The following IL2RB variants were observed in gnomAD, a reference collection of about 807,000 sequenced individuals.
IL2RB encodes interleukin 2 receptor subunit beta.
IL2RB carries 17 observed loss-of-function variants against 44.2 expected under a neutral mutation model. The observed-to-expected ratio is 0.38, with a 90% CI of 0.26 to 0.58. The LOEUF (loss-of-function observed/expected upper bound fraction) is 0.58. Ranked by LOEUF, IL2RB falls within the 20% of genes least tolerant of loss-of-function variation. IL2RB has a pLI of 0.63. For missense variants in IL2RB, 624 were observed against 685.5 expected (o/e 0.91, Z 1.00); for synonymous variants, 286 against 297.9 (o/e 0.96, Z 0.41).
intron 1 of IL2RB, among the ~76,000 whole-genome samples, chr22:37,165,432 C>A (rs1174890405): frequency 6.6e-6 from 1 of 152,168 alleles, no homozygotes; most frequent in African/African-American, 2.4e-5. Flanking sequence ...GAACACCTGC[C>A]AGTCAGCATG....
At position 37,170,684 on chromosome 22, in the gene IL2RB, A is replaced by G. The variant is rs1054910296; in HGVS notation, c.-34+4274T>C. 2.6e-5 allele frequency among the ~76,000 whole-genome samples: 4 copies of G among 152,170 alleles called. No individual in the cohort carries two copies. The East Asian group carries it at 7.7e-4, about 29-fold the overall frequency. ...ACGCAGTCACTGCTTGACGTGGCTC[A>G]TGGCCTCCCAGCCTCACTGCACGGG... On this transcript the variant is annotated intron_variant, in intron 1 of 5. Transcript: ENST00000429622.
chr22:37,143,573 C>T lies in IL2RB; in HGVS notation c.151G>A (p.Asp51Asn), dbSNP rs1922070245. 2.5e-6 allele frequency: 4 copies of T among 1,614,032 alleles called. No individual in the cohort carries two copies. The African/African-American group carries it at 4.0e-5, about 16-fold the overall frequency. Residue 51 changes from aspartate (D) to asparagine (N), a missense_variant, in exon 3 of 10, where the codon GAT (aspartate) becomes AAT (asparagine). Physicochemically the swap from Asp to Asn is conservative, Grantham distance 23. Transcript: ENST00000216223. ...CAGGAAGTGTCCTGCAGAGCCCCAT[C>T]TTGGCTCCAGACACAGGAGATGTTG... ...RANISCVWSQ[D>N]GALQDTSCQV...
rs749653661 is a variant in IL2RB, at chr22:37,128,402, G to A, written c.1350C>T (p.Ala450=). The change falls in exon 10 of 10, where the codon GCC becomes GCT. Residue 450 remains alanine (A), a synonymous_variant. Transcript: ENST00000216223. The surrounding 1 kb of genome is among the most constrained non-coding windows in gnomAD (Gnocchi z 4.5). ...PPSTAPGGSG[A]GEERMPPSLQ... Reference sequence around the variant, plus strand: ...AAGAAGGGGGCATCCTCTCTTCACCGGCCCCACTGCCCCCAGGGGCAGTGC... The same window carrying A: ...AAGAAGGGGGCATCCTCTCTTCACCAGCCCCACTGCCCCCAGGGGCAGTGC... 1.9e-5 allele frequency: 29 copies of A among 1,511,942 alleles called. No individual in the cohort carries two copies. The highest frequency in any genetic ancestry group is 4.2e-5 in the African/African-American group (3 of 71,468). The allele number at this position is 1,511,942 out of a possible 1,614,324, so 93.7% of individuals were successfully genotyped here.
chr22:37,132,100 A>G (rs1032571955), intron 9 of IL2RB, among the ~76,000 whole-genome samples: 8 of 152,176 alleles, frequency 5.3e-5, no homozygotes, highest in Middle Eastern at 3.4e-3. Flanking sequence ...ACATAGTAAC[A>G]CTGTTTTTCT....
chr22:37,132,521 T>G, intron 8 of IL2RB, 53 bp from the exon 9 acceptor site: 1 of 1,372,894 alleles, frequency 7.3e-7, no homozygotes, highest in Non-Finnish European at 1.0e-6. Context: ...AGGACCGCGG[T>G]GTTATGCCAT....
Position 37,141,809 on chromosome 22 carries a change from C to T in IL2RB, c.282+625G>A, listed in dbSNP as rs1307747772. Reference sequence around the variant, plus strand: ...CGGGGGTGCAGGGGACAGCTTGGCACTGGCCTGCAGGTGCCCCTTGGCCCG... The same window carrying T: ...CGGGGGTGCAGGGGACAGCTTGGCATTGGCCTGCAGGTGCCCCTTGGCCCG... On this transcript the variant is annotated intron_variant, in intron 4 of 9. Coordinates refer to ENST00000216223, the MANE Select transcript of IL2RB (RefSeq NM_000878.5). The surrounding 1 kb of genome is among the most constrained non-coding windows in gnomAD (Gnocchi z 4.4). Among the ~76,000 whole-genome samples the T allele has an allele frequency of 6.6e-6, 1 of 152,228 alleles. No individual in the cohort carries two copies. Among genetic ancestry groups the T allele is most frequent in the African/African-American group, 2.4e-5 (1 of 41,468 alleles).
intron 6 of IL2RB, 80 bp from the exon 7 acceptor site, chr22:37,136,473 C>CCG: frequency 6.9e-7 from 1 of 1,440,086 alleles, no homozygotes; most frequent in South Asian, 1.3e-5. Flanking sequence ...AGAACCCCCC[C>CCG]CCAACCCCTG....
intron 8 of IL2RB, among the ~76,000 whole-genome samples, chr22:37,134,053 G>A (rs1004023814): frequency 1.3e-5 from 2 of 151,902 alleles, no homozygotes; most frequent in African/African-American, 4.8e-5. Context: ...CCTGTTTTCT[G>A]CTCCTGATAC....
intron 8 of IL2RB, among the ~76,000 whole-genome samples, chr22:37,132,926 C>T (rs1394481563): frequency 3.3e-5 from 5 of 152,124 alleles, no homozygotes; most frequent in African/African-American, 9.7e-5. Context: ...TGTACACTGC[C>T]CAAGGGCATT....
chr22:37,139,105 T>G lies in IL2RB; in HGVS notation c.388+12A>C. Reference sequence around the variant, plus strand: ...AGCCCTGCCCCAGCCCCACCCTGGCTTCCTCACTCACGGTTCTCAAAGGGC... The same window carrying G: ...AGCCCTGCCCCAGCCCCACCCTGGCGTCCTCACTCACGGTTCTCAAAGGGC... On this transcript the variant is annotated intron_variant, in intron 5 of 9. Transcript: ENST00000216223. The G allele has an allele frequency of 6.3e-7, 1 of 1,577,328 alleles. No individual in the cohort carries two copies. Among genetic ancestry groups the G allele is most frequent in the Non-Finnish European group, 8.7e-7 (1 of 1,146,620 alleles).
intron 1 of IL2RB, among the ~76,000 whole-genome samples, chr22:37,158,736 G>T (rs903414146): frequency 1.3e-5 from 2 of 152,224 alleles, no homozygotes; most frequent in African/African-American, 2.4e-5. Flanking sequence ...GTGAAGGTGC[G>T]TGGGAGCATG....
chr22:37,175,091 CA>C (rs1923410923), upstream of IL2RB: 1 of 152,202 alleles, frequency 6.6e-6, no homozygotes, highest in Non-Finnish European at 1.5e-5. Context: ...ATACAACCAT[CA>C]AAACTCGTGA....
intron 1 of IL2RB, among the ~76,000 whole-genome samples, chr22:37,170,743 G>A (rs1345345951): frequency 6.6e-6 from 1 of 152,162 alleles, no homozygotes; most frequent in Non-Finnish European, 1.5e-5. Flanking sequence ...TTTCCTCATT[G>A]TCTCCGCAAA....
Position 37,141,654 on chromosome 22 carries a change from C to A in IL2RB, c.282+780G>T, listed in dbSNP as rs997237430. On this transcript the variant is annotated intron_variant, in intron 4 of 9. Coordinates refer to ENST00000216223, the MANE Select transcript of IL2RB (RefSeq NM_000878.5). The surrounding 1 kb of genome is among the most constrained non-coding windows in gnomAD (Gnocchi z 4.4). ...CTCCTGCTCCAGTGCCCACTCCAAT[C>A]TCAGAGCGGGACCAAGCCCAGGCAC... is the stretch of plus-strand genomic sequence containing the variant. Among the ~76,000 whole-genome samples, 16 of 152,334 alleles carry A rather than the reference C, an allele frequency of 1.1e-4. No homozygotes were observed. Among genetic ancestry groups the A allele is most frequent in the African/African-American group, 3.8e-4 (16 of 41,568 alleles).
rs755518723 is a variant in IL2RB, at chr22:37,128,494, T to A, written c.1258A>T (p.Thr420Ser). Residue 420 changes from threonine to serine, a missense_variant, in exon 10 of 10, where the codon ACC becomes TCC. By Grantham distance (58) the Thr-to-Ser change is moderately conservative. This residue lies in a region of IL2RB where 291 missense variants were observed against 275.5 expected (regional missense o/e 1.06). Coordinates refer to ENST00000216223, the MANE Select transcript of IL2RB (RefSeq NM_000878.5). The surrounding 1 kb of genome is among the most constrained non-coding windows in gnomAD (Gnocchi z 4.5). ...PLSGEDDAYC[T>S]FPSRDDLLLF... ...AGCAGGTCATCCCTGGAGGGGAAGG[T>A]GCAGTAGGCGTCGTCCTCCCCTGAC... The A allele has an allele frequency of 7.5e-6, 12 of 1,606,570 alleles. No individual in the cohort carries two copies. Among genetic ancestry groups the A allele is most frequent in the Non-Finnish European group, 1.0e-5 (12 of 1,175,146 alleles).
chr22:37,148,671 T>A (rs1327509687), intron 1 of IL2RB, among the ~76,000 whole-genome samples: 3 of 152,070 alleles, frequency 2.0e-5, no homozygotes, highest in Non-Finnish European at 4.4e-5. Flanking sequence ...TCGGGGGTAG[T>A]TCAGCTTTTA....
intron 1 of IL2RB, among the ~76,000 whole-genome samples, chr22:37,167,548 G>C (rs776848163): frequency 5.9e-5 from 9 of 152,180 alleles, no homozygotes; most frequent in Non-Finnish European, 1.2e-4. Context: ...CTGTCTGGCA[G>C]TTCCTGGAAG....
At chr22:37,171,301 ATAATAT>A (rs1291827450) in intron 1 of IL2RB, among the ~76,000 whole-genome samples, 2 of 152,162 alleles carry the variant, frequency 1.3e-5, no homozygotes, top group Non-Finnish European at 2.9e-5. Flanking sequence ...TTTCATTCAA[ATAATAT>A]TTATTGAGGA....
At chr22:37,168,908 G>A (rs1923169124) in intron 1 of IL2RB, among the ~76,000 whole-genome samples, 1 of 152,094 alleles carries the variant, frequency 6.6e-6, no homozygotes, top group South Asian at 2.1e-4. Context: ...CTTGCTTACA[G>A]AGGGGTTCTG....
Sources: gnomAD v4.1 joint callset for allele counts (sites outside exome capture counted in the v4.1 genomes callset) on GRCh38, gnomAD v4.1.1 for gene constraint, gnomAD v4.1.1 regional missense constraint, Gnocchi (gnomAD v3.1) non-coding constraint, MANE v1.5 for transcripts, NCBI Gene and HGNC (gene_info 2026-07-23, HGNC 2026-07-21) for gene names.